Variants in SRGAP3 observed in about 807,000 individuals in gnomAD.
SRGAP3 encodes the protein SLIT-ROBO Rho GTPase activating protein 3, also known as SLIT-ROBO Rho GTPase-activating protein 3.
A neutral mutation model predicts 121.1 loss-of-function variants in SRGAP3; 39 were observed. The observed-to-expected ratio is 0.32, with a 90% CI of 0.25 to 0.42. The LOEUF (loss-of-function observed/expected upper bound fraction) is 0.42, where lower values mean the gene tolerates loss of function less well. Among genes scored for constraint, SRGAP3 ranks in the 10% least tolerant of loss-of-function variants. The probability of loss-of-function intolerance (pLI) is 1.00; values close to 1 mark genes in which losing one functional copy is unlikely to be tolerated. For synonymous variants in SRGAP3, 601 were observed against 570.0 expected (o/e 1.05, Z -0.77); for missense variants, 1,213 against 1,470.6 (o/e 0.82, Z 2.86).
intron 1 of SRGAP3, among the ~76,000 whole-genome samples, chr3:9,198,338 G>A (rs1170733800): frequency 6.6e-6 from 1 of 152,234 alleles, no homozygotes; most frequent in Non-Finnish European, 1.5e-5. Context: ...GGCCCACTGA[G>A]TCAAGGAAGA....
At chr3:9,310,623 T>G (rs1559271183) in intron 3 of SRGAP3, among the ~76,000 whole-genome samples, 1 of 152,190 alleles carries the variant, frequency 6.6e-6, no homozygotes, top group Non-Finnish European at 1.5e-5. Context: ...CTGGAACTGC[T>G]ATAACCAGTT....
intron 1 of SRGAP3, among the ~76,000 whole-genome samples, chr3:9,241,403 C>G (rs2125236988): frequency 6.6e-6 from 1 of 152,256 alleles, no homozygotes; most frequent in African/African-American, 2.4e-5. Context: ...CTAATATGAA[C>G]TCTCAGATCC....
rs538939908 is a variant in SRGAP3 at position 9,069,720 on chromosome 3, G to A, written c.487-5139C>T. Among the ~76,000 whole-genome samples the A allele has an allele frequency of 4.1e-3, 618 of 152,290 alleles. 5 individuals carry two copies. Among genetic ancestry groups the A allele is most frequent in the Middle Eastern group, 6.8e-3 (2 of 294 alleles). On this transcript the variant is annotated intron_variant, in intron 4 of 21. Transcript: ENST00000383836. Reference sequence around the variant, plus strand: ...TCCCAGCCCTTTGGGAGGCCAAGGCGGGCAGATCACAAGATCAGGAGTTTG... The same window carrying A: ...TCCCAGCCCTTTGGGAGGCCAAGGCAGGCAGATCACAAGATCAGGAGTTTG...
At chr3:9,209,373 A>T (rs1168442902) in intron 1 of SRGAP3, among the ~76,000 whole-genome samples, 1 of 152,204 alleles carries the variant, frequency 6.6e-6, no homozygotes, top group Non-Finnish European at 1.5e-5. Flanking sequence ...AAGATCAACA[A>T]CCCAATACAA....
In SRGAP3 at chr3:9,321,563, A is replaced by G. The variant is rs1372050183; in HGVS notation, n.442+4447T>C. On this transcript the variant is annotated intron_variant and non_coding_transcript_variant, in intron 3 of 3. Coordinates refer to the SRGAP3 transcript ENST00000490889. Reference sequence around the variant, plus strand: ...CATGAGCATAGAAGTGGGAAGTGACAGCAGTCGGGTTTGTCATTTGTTGGT... The same window carrying G: ...CATGAGCATAGAAGTGGGAAGTGACGGCAGTCGGGTTTGTCATTTGTTGGT... Among the ~76,000 whole-genome samples the G allele has an allele frequency of 2.0e-5, 3 of 152,068 alleles. No homozygotes were observed. The East Asian group carries it at 5.8e-4, about 29-fold the overall frequency.
rs548438913 is a variant in SRGAP3 at position 9,002,626 on chromosome 3, A to C, written c.2227+7682T>G. On this transcript the variant is annotated intron_variant, in intron 18 of 21. Coordinates refer to ENST00000383836, the MANE Select transcript of SRGAP3 (RefSeq NM_014850.4). ...TTAATAAAATAGAGAACAGAAAAACAATAGAGAAAATCATGAAACCAAAAG... is the reference window on the plus strand; with the variant it reads ...TTAATAAAATAGAGAACAGAAAAACCATAGAGAAAATCATGAAACCAAAAG... Among the ~76,000 whole-genome samples, 4 of 152,258 alleles carry C rather than the reference A, an allele frequency of 2.6e-5. No individual in the cohort carries two copies. In the South Asian group the frequency reaches 8.3e-4, roughly 32 times the overall value.
Position 9,110,825 on chromosome 3 carries a change from A to G in SRGAP3, c.261-5983T>C, listed in dbSNP as rs535308683. The stretch of plus-strand genomic sequence containing the variant: ...GCTAGCATGTGTGGCCTTGGCCACA[A>G]TGGTACCAGGCAGGCTCTACCACAT... On this transcript the variant is annotated intron_variant, in intron 2 of 21. Transcript: ENST00000383836. 3.9e-5 allele frequency among the ~76,000 whole-genome samples: 6 copies of G among 152,378 alleles called. No individual in the cohort carries two copies. In the East Asian group the frequency reaches 7.7e-4, roughly 20 times the overall value.
At chr3:9,168,982 G>A (rs2125093602) in intron 1 of SRGAP3, among the ~76,000 whole-genome samples, 1 of 152,358 alleles carries the variant, frequency 6.6e-6, no homozygotes, top group South Asian at 2.1e-4. Context: ...CCAGGTGAGA[G>A]CAAGATTTCA....
At chr3:9,270,422 T>C (rs1954451515) in intron 3 of SRGAP3, among the ~76,000 whole-genome samples, 1 of 152,096 alleles carries the variant, frequency 6.6e-6, no homozygotes, top group African/African-American at 2.4e-5. Context: ...GGGGTGGAGA[T>C]TGACCAGAAA....
At chr3:9,132,946 C>A (rs1949512138) in intron 1 of SRGAP3, among the ~76,000 whole-genome samples, 1 of 150,988 alleles carries the variant, frequency 6.6e-6, no homozygotes, top group Admixed American at 6.6e-5. Context: ...TCTCGCAAAA[C>A]AACCAAACTA....
chr3:9,022,997 G>T (rs997989403), intron 14 of SRGAP3, among the ~76,000 whole-genome samples: 1 of 152,196 alleles, frequency 6.6e-6, no homozygotes, highest in African/African-American at 2.4e-5. Flanking sequence ...GACAGGAGGT[G>T]CTGACCTTAG....
intron 1 of SRGAP3, among the ~76,000 whole-genome samples, chr3:9,246,642 G>A (rs922980492): frequency 3.9e-5 from 6 of 152,146 alleles, no homozygotes; most frequent in Admixed American, 6.6e-5. Context: ...AAGAGTAAGT[G>A]ATGTCTGGGA....
chr3:9,048,299 G>A (rs760326853), intron 9 of SRGAP3, among the ~76,000 whole-genome samples: 1 of 152,206 alleles, frequency 6.6e-6, no homozygotes, highest in Non-Finnish European at 1.5e-5. Context: ...GAGCCCCACT[G>A]GGCATGCCTC....
rs530248032 is a variant in SRGAP3, at chr3:9,090,688, G to GT, written c.424-10602dup. Among the ~76,000 whole-genome samples, 163 of 152,318 alleles carry GT rather than the reference G, an allele frequency of 1.1e-3. 1 individual carries two copies. The highest frequency in any genetic ancestry group is 6.8e-3 in the Middle Eastern group (2 of 294). ...GTCTTGCTTTGTCACCCAGGCTGGA[G>GT]TGCAGTGGTGCAATCTCAGCTCACT... On this transcript the variant is annotated intron_variant, in intron 3 of 21. Transcript: ENST00000383836.
At chr3:9,058,582 T>G in intron 6 of SRGAP3, 110 bp from the exon 7 acceptor site, 1 of 1,191,394 alleles carries the variant, frequency 8.4e-7, no homozygotes. Flanking sequence ...AGCCGAATCT[T>G]CCATCCCGGA....
intron 3 of SRGAP3, among the ~76,000 whole-genome samples, chr3:9,310,685 A>C (rs553972384): frequency 6.6e-6 from 1 of 152,316 alleles, no homozygotes; most frequent in African/African-American, 2.4e-5. Flanking sequence ...GAGAGTGAAA[A>C]CCAGCTGACT....
intron 10 of SRGAP3, 55 bp from the exon 11 acceptor site, chr3:9,038,145 A>T (rs748618265): frequency 3.7e-6 from 6 of 1,609,376 alleles, no homozygotes; most frequent in Admixed American, 1.7e-5. Context: ...TAATCCAAAG[A>T]ACATTCATCT....
At position 9,336,393 on chromosome 3, in the gene SRGAP3, T is replaced by C. The variant is rs148823040; in HGVS notation, n.215-5797A>G. On this transcript the variant is annotated intron_variant and non_coding_transcript_variant, in intron 1 of 3. Transcript: ENST00000490889. ...ACTGTGCCTGATTAAATTTTTATTT[T>C]TTGTAGAGATGGGGTCTTGCTATAT... is the stretch of plus-strand genomic sequence containing the variant. Among the ~76,000 whole-genome samples, 262 of 152,222 alleles carry C rather than the reference T, an allele frequency of 1.7e-3. 5 individuals are homozygous for C. The East Asian group carries it at 0.036, about 21-fold the overall frequency.
intron 18 of SRGAP3, among the ~76,000 whole-genome samples, chr3:9,000,440 C>T (rs1450334188): frequency 6.6e-6 from 1 of 152,238 alleles, no homozygotes; most frequent in African/African-American, 2.4e-5. Flanking sequence ...CATCCCCAGT[C>T]TCAGAGTCCT....
Sources: allele counts gnomAD v4.1 joint callset (sites outside exome capture counted in the v4.1 genomes callset), GRCh38; gene constraint gnomAD v4.1.1; transcripts MANE v1.5; gene names NCBI Gene and HGNC (gene_info 2026-07-23, HGNC 2026-07-21).